Variants in FRMD3 observed in about 807,000 individuals in gnomAD.
FRMD3 encodes FERM domain containing 3.
FRMD3 carries 33 observed loss-of-function variants against 70.2 expected under a neutral mutation model. That is an observed-to-expected ratio of 0.47 (90% confidence interval 0.36 to 0.63). FRMD3 has a LOEUF of 0.63. FRMD3 is among the 20% of genes least tolerant of loss of function. FRMD3 has a pLI of 0.00. For synonymous variants in FRMD3, 279 were observed against 255.9 expected, an observed-to-expected ratio of 1.09 and a Z score of -0.86; for missense variants, 632 against 711.4, an observed-to-expected ratio of 0.89 and a Z score of 1.27.
chr9:83,355,250 A>G (rs11140046), intron 3 of FRMD3, among the ~76,000 whole-genome samples: 42,495 of 152,128 alleles, frequency 0.28, 6,741 homozygotes, highest in Non-Finnish European at 0.35. Flanking sequence ...CTCTGTGCCA[A>G]ACATTTGGTG....
chr9:83,333,200 A>G (rs996351987), intron 6 of FRMD3, among the ~76,000 whole-genome samples: 7 of 152,230 alleles, frequency 4.6e-5, no homozygotes, highest in South Asian at 2.1e-4. Context: ...GCAAAAATAC[A>G]CAGGGAAATA....
intron 1 of FRMD3, among the ~76,000 whole-genome samples, chr9:83,424,651 C>G (rs10868005): frequency 0.28 from 41,834 of 152,084 alleles, 6,626 homozygotes; most frequent in African/African-American, 0.42. Flanking sequence ...TAGAAAAAAT[C>G]CCACAGATAA....
intron 1 of FRMD3, among the ~76,000 whole-genome samples, chr9:83,430,932 C>A (rs1479457358): frequency 6.6e-6 from 1 of 152,218 alleles, no homozygotes; most frequent in African/African-American, 2.4e-5. Context: ...CCACTTAGTT[C>A]CTTTAGATCA....
chr9:83,309,468 T>C, intron 10 of FRMD3, 68 bp downstream of exon 10: 1 of 912,708 alleles, frequency 1.1e-6, no homozygotes. Flanking sequence ...TATGCAGCCA[T>C]TTGCAAAACA....
intron 12 of FRMD3, among the ~76,000 whole-genome samples, chr9:83,295,862 C>A (rs144295882): frequency 2.8e-4 from 43 of 152,272 alleles, no homozygotes; most frequent in African/African-American, 1.0e-3. Flanking sequence ...GCTTGGGTAT[C>A]TTGTCATCAA....
intron 1 of FRMD3, among the ~76,000 whole-genome samples, chr9:83,495,430 G>A (rs542491036): frequency 3.9e-5 from 6 of 152,288 alleles, no homozygotes; most frequent in South Asian, 2.1e-4. Context: ...AAGTGAAATC[G>A]TCTGTCAAGG....
At chr9:83,319,516 G>C (rs1043877323) in intron 6 of FRMD3, among the ~76,000 whole-genome samples, 1 of 152,140 alleles carries the variant, frequency 6.6e-6, no homozygotes, top group Non-Finnish European at 1.5e-5. Context: ...CTGCCTCCCA[G>C]GTTCAAGGGA....
chr9:83,475,635 T>C (rs1372533409), intron 1 of FRMD3, among the ~76,000 whole-genome samples: 1 of 152,174 alleles, frequency 6.6e-6, no homozygotes, highest in Non-Finnish European at 1.5e-5. Flanking sequence ...AAAAAATTCA[T>C]AGCTAATATT....
the FRMD3 span, among the ~76,000 whole-genome samples, chr9:83,571,912 T>C: frequency 1.5e-4 from 23 of 152,216 alleles, no homozygotes; most frequent in Admixed American, 7.2e-4. Context: ...CAACATTCAG[T>C]ATAGATCACA....
the FRMD3 span, among the ~76,000 whole-genome samples, chr9:83,574,094 G>A: frequency 1.3e-5 from 2 of 152,214 alleles, no homozygotes; most frequent in South Asian, 4.1e-4. Context: ...CTTACTTTAT[G>A]TAACACAACC....
chr9:83,373,635 G>T (rs1825050144), intron 2 of FRMD3, among the ~76,000 whole-genome samples: 1 of 60,350 alleles, frequency 1.7e-5, no homozygotes, highest in Non-Finnish European at 3.7e-5. Context: ...CCTCTCTACA[G>T]CACATACAAA....
chr9:83,406,324 A>T lies in FRMD3; in HGVS notation c.148-16616T>A, dbSNP rs1401311528. On this transcript the variant is annotated intron_variant, in intron 1 of 13. Transcript: ENST00000304195. ...GGCCACAAGTTAGAAGATGAGAAGGAGAAAAGTCAAAGGCTACTAGAGCCA... is the reference window on the plus strand; with the variant it reads ...GGCCACAAGTTAGAAGATGAGAAGGTGAAAAGTCAAAGGCTACTAGAGCCA... 2.6e-5 allele frequency among the ~76,000 whole-genome samples: 4 copies of T among 152,326 alleles called. No homozygotes were observed. In the East Asian group the frequency reaches 7.7e-4, roughly 29 times the overall value.
chr9:83,284,722 C>T (rs1404100403), intron 13 of FRMD3, among the ~76,000 whole-genome samples: 3 of 152,188 alleles, frequency 2.0e-5, no homozygotes, highest in African/African-American at 7.2e-5. Context: ...GGAAGAAAGA[C>T]ACCGAAGCCA....
At chr9:83,561,511 T>A in the FRMD3 span, among the ~76,000 whole-genome samples, 1 of 152,202 alleles carries the variant, frequency 6.6e-6, no homozygotes, top group East Asian at 1.9e-4. Flanking sequence ...CCCTTAAATT[T>A]CCATAAATCC....
intron 1 of FRMD3, among the ~76,000 whole-genome samples, chr9:83,414,832 T>C (rs183231818): frequency 6.6e-6 from 1 of 152,338 alleles, no homozygotes; most frequent in African/African-American, 2.4e-5. Context: ...CTCCTTGTTG[T>C]ATGTTTTGAT....
chr9:83,275,715 G>A (rs1833773334), intron 13 of FRMD3, among the ~76,000 whole-genome samples: 2 of 152,262 alleles, frequency 1.3e-5, no homozygotes, highest in South Asian at 4.1e-4. Flanking sequence ...ACACTCAACA[G>A]CCCATGGTAC....
At position 83,290,451 on chromosome 9, in the gene FRMD3, C is replaced by T. The variant is rs969209065; in HGVS notation, c.1195+152G>A. ...CTCCCAGTATAATACAGCCTTCCAG[C>T]TGCAAAAAGCTTATTTACTAAAAAC... is the stretch of plus-strand genomic sequence containing the variant. On this transcript the variant is annotated intron_variant, in intron 13 of 13. Coordinates refer to ENST00000304195, the MANE Select transcript of FRMD3 (RefSeq NM_174938.6). 4 of 805,030 alleles carry T rather than the reference C, an allele frequency of 5.0e-6. No homozygotes were observed. In the African/African-American group the frequency reaches 5.1e-5, roughly 10 times the overall value. The allele number at this position is 805,030 out of a possible 1,614,324, so 49.9% of individuals were successfully genotyped here.
chr9:83,405,743 C>A (rs1279164825), intron 1 of FRMD3, among the ~76,000 whole-genome samples: 5 of 148,262 alleles, frequency 3.4e-5, no homozygotes, highest in Admixed American at 6.7e-5. Context: ...GCCTCGGCAA[C>A]AAGAGCGAAA....
At chr9:83,337,628 A>C (rs1823623346) in intron 5 of FRMD3, among the ~76,000 whole-genome samples, 1 of 152,236 alleles carries the variant, frequency 6.6e-6, no homozygotes, top group Non-Finnish European at 1.5e-5. Flanking sequence ...GAAGAACCTG[A>C]TGACCAATAT....
Sources: allele counts gnomAD v4.1 joint callset (sites outside exome capture counted in the v4.1 genomes callset), GRCh38; gene constraint gnomAD v4.1.1; transcripts MANE v1.5; gene names NCBI Gene and HGNC (gene_info 2026-07-23, HGNC 2026-07-21).